The following KIF25 variants were observed in gnomAD, a reference collection of about 807,000 sequenced individuals.
KIF25 encodes kinesin-like protein KIF25.
KIF25 carries 19 observed loss-of-function variants against 32.9 expected under a neutral mutation model. The ratio of observed to expected loss-of-function variants is 0.58; its 90% CI spans 0.40 to 0.85. The LOEUF (loss-of-function observed/expected upper bound fraction) is 0.85. Among genes scored for constraint, KIF25 ranks in the 40% least tolerant of loss-of-function variants. The pLI is 0.00. For synonymous variants in KIF25, 225 were observed against 213.7 expected, an observed-to-expected ratio of 1.05 and a Z score of -0.46; for missense variants, 485 against 507.0, an observed-to-expected ratio of 0.96 and a Z score of 0.42.
intron 7 of KIF25, among the ~76,000 whole-genome samples, chr6:168,032,135 C>T (rs552980535): frequency 2.6e-5 from 4 of 152,280 alleles, no homozygotes; most frequent in African/African-American, 9.6e-5. Context: ...AGATCTGTGT[C>T]GATATTAAGG....
intron 5 of KIF25, among the ~76,000 whole-genome samples, chr6:168,024,931 G>A (rs1049897569): frequency 6.6e-6 from 1 of 152,110 alleles, no homozygotes; most frequent in Non-Finnish European, 1.5e-5. Flanking sequence ...CACGCCTATA[G>A]TCCCAGCTAC....
chr6:168,007,656 G>T (rs572281311), intron 4 of KIF25, among the ~76,000 whole-genome samples: 3 of 152,300 alleles, frequency 2.0e-5, no homozygotes, highest in African/African-American at 4.8e-5. Context: ...TGCTTCTCAG[G>T]AAAGAATTGT....
intron 4 of KIF25, among the ~76,000 whole-genome samples, chr6:168,009,781 CT>C (rs1228258890): frequency 7.2e-5 from 11 of 152,048 alleles, no homozygotes; most frequent in African/African-American, 2.4e-4. Flanking sequence ...TTTTTAATTT[CT>C]TTTTTGTTCA....
Position 168,044,977 on chromosome 6 carries a change from G to C in KIF25, c.1136G>C (p.Gly379Ala). The C allele has an allele frequency of 6.3e-7, 1 of 1,598,492 alleles. No homozygotes were observed. The highest frequency in any genetic ancestry group is 8.5e-7 in the Non-Finnish European group (1 of 1,171,798). Residue 379 changes from glycine (G) to alanine (A), a missense_variant, in exon 13 of 13, where the codon GGG (glycine) becomes GCG (alanine). Transcript: ENST00000643607. ...AAGCCGCCCAGCTCCCAAACGGAGGGGAAGAGGAGGCCGGATTGAATGCAT... is the reference window on the plus strand; with the variant it reads ...AAGCCGCCCAGCTCCCAAACGGAGGCGAAGAGGAGGCCGGATTGAATGCAT... Reference protein sequence around the residue: ...RKKPPSSQTEGKRRPD With the variant: ...RKKPPSSQTEAKRRPD
intron 2 of KIF25, among the ~76,000 whole-genome samples, chr6:168,002,032 G>A (rs1482032986): frequency 7.4e-6 from 1 of 134,836 alleles, no homozygotes; most frequent in Non-Finnish European, 1.6e-5. Flanking sequence ...CCTCGGGCAG[G>A]TGAGAAGACA....
At chr6:168,018,507 C>T (rs889396455) in intron 5 of KIF25, among the ~76,000 whole-genome samples, 2 of 152,182 alleles carry the variant, frequency 1.3e-5, no homozygotes. Context: ...AGACGAGGGA[C>T]ATCTGTAATC....
chr6:168,030,152 A>G (rs1041679796), intron 6 of KIF25, among the ~76,000 whole-genome samples: 1 of 152,056 alleles, frequency 6.6e-6, no homozygotes, highest in African/African-American at 2.4e-5. Flanking sequence ...GTTGCTTCCT[A>G]TTTTATTTGT....
chr6:168,010,630 T>C (rs990424515), intron 4 of KIF25, among the ~76,000 whole-genome samples: 18 of 152,158 alleles, frequency 1.2e-4, no homozygotes, highest in African/African-American at 4.3e-4. Flanking sequence ...AAGTGTCTTC[T>C]GGTCCATTTG....
intron 4 of KIF25, among the ~76,000 whole-genome samples, chr6:168,013,951 C>T (rs1262111283): frequency 6.6e-6 from 1 of 152,110 alleles, no homozygotes; most frequent in Non-Finnish European, 1.5e-5. Flanking sequence ...GGGAGCTGAG[C>T]ACCAGCTCTC....
At chr6:168,027,783 G>A (rs898784906) in intron 5 of KIF25, among the ~76,000 whole-genome samples, 19 of 152,352 alleles carry the variant, frequency 1.2e-4, no homozygotes, top group African/African-American at 4.1e-4. Flanking sequence ...TCTCTGTGTC[G>A]CGTCTCTTCA....
Position 168,042,622 on chromosome 6 carries a change from G to C in KIF25, c.891G>C (p.Ala297=). Residue 297 remains alanine (A), a synonymous_variant, in exon 12 of 13, where the codon GCG becomes GCC. Transcript: ENST00000643607. ...TGGCGTGCATCAGCCGCAGCCTTGC[G>C]GCCCTGGCAGGCGTCCTGGGGGCTT... is the stretch of plus-strand genomic sequence containing the variant. ...REMACISRSL[A]ALAGVLGALL... 1 of 1,613,938 alleles carries C rather than the reference G, an allele frequency of 6.2e-7. No individual in the cohort carries two copies. Among genetic ancestry groups the C allele is most frequent in the Non-Finnish European group, 8.5e-7 (1 of 1,180,014 alleles).
rs564580739 is a variant in KIF25 at position 168,012,458 on chromosome 6, G to T, written c.-162-5515G>T. Among the ~76,000 whole-genome samples the T allele has an allele frequency of 3.3e-5, 5 of 152,296 alleles. No individual in the cohort carries two copies. In the East Asian group the frequency reaches 7.7e-4, roughly 24 times the overall value. On this transcript the variant is annotated intron_variant, in intron 4 of 12. Coordinates refer to ENST00000643607, the MANE Select transcript of KIF25 (RefSeq NM_030615.4). ...GAGTTTCTCAGTGGCCTACAGTGAGGGAGTCTGTGGTAACAGTGATGCGGC... is the reference window on the plus strand; with the variant it reads ...GAGTTTCTCAGTGGCCTACAGTGAGTGAGTCTGTGGTAACAGTGATGCGGC...
chr6:168,043,917 G>A (rs1418609883), intron 12 of KIF25, among the ~76,000 whole-genome samples: 1 of 152,212 alleles, frequency 6.6e-6, no homozygotes, highest in Admixed American at 6.5e-5. Context: ...GAAGTCCTGG[G>A]CACACGGCCC....
chr6:168,027,792 C>T (rs556266766), intron 5 of KIF25, among the ~76,000 whole-genome samples: 92 of 152,250 alleles, frequency 6.0e-4, no homozygotes, highest in Non-Finnish European at 1.1e-3. Context: ...CGCGTCTCTT[C>T]AGAGCGAAGT....
chr6:168,012,846 C>T (rs775308133), intron 4 of KIF25, among the ~76,000 whole-genome samples: 16 of 152,076 alleles, frequency 1.1e-4, no homozygotes, highest in Middle Eastern at 3.4e-3. Context: ...AGGCCTGGGA[C>T]GAGGGCACAT....
chr6:168,020,438 T>C (rs1798773743), intron 5 of KIF25, among the ~76,000 whole-genome samples: 1 of 151,768 alleles, frequency 6.6e-6, no homozygotes, highest in Non-Finnish European at 1.5e-5. Context: ...CTGAAGGACA[T>C]GTGGGCATAT....
chr6:168,035,918 C>T (rs1799019435), intron 8 of KIF25: 1 of 391,052 alleles, frequency 2.6e-6, no homozygotes, highest in African/African-American at 2.1e-5. Flanking sequence ...CACACACGAC[C>T]TGGAGAGGGG....
intron 4 of KIF25, among the ~76,000 whole-genome samples, chr6:168,005,879 C>T (rs1397466748): frequency 6.6e-6 from 1 of 152,234 alleles, no homozygotes; most frequent in African/African-American, 2.4e-5. Context: ...CTCACAGCCA[C>T]ACCCAAGATC....
At chr6:168,012,006 T>G (rs1175726410) in intron 4 of KIF25, among the ~76,000 whole-genome samples, 1 of 152,182 alleles carries the variant, frequency 6.6e-6, no homozygotes, top group East Asian at 1.9e-4. Context: ...TATCATATAT[T>G]TCATTGAATT....
Sources: allele counts gnomAD v4.1 joint callset (sites outside exome capture counted in the v4.1 genomes callset), GRCh38; gene constraint gnomAD v4.1.1; transcripts MANE v1.5; gene names NCBI Gene and HGNC (gene_info 2026-07-23, HGNC 2026-07-21).